Variants in CEP89 observed in about 807,000 individuals in gnomAD.
CEP89 encodes centrosomal protein of 89 kDa.
CEP89 carries 95 observed loss-of-function variants against 97.6 expected under a neutral mutation model. That is an observed-to-expected ratio of 0.97 (90% CI 0.82 to 1.15). CEP89 has a LOEUF of 1.15. CEP89 is among the 50% of genes most tolerant of loss of function. CEP89 has a pLI of 0.00. For missense variants in CEP89, 869 were observed against 947.7 expected, an observed-to-expected ratio of 0.92 and a Z score of 1.09; for synonymous variants, 354 against 349.1, an observed-to-expected ratio of 1.01 and a Z score of -0.16.
chr19:32,944,045 T>G (rs1202502924), intron 5 of CEP89, among the ~76,000 whole-genome samples: 1 of 151,584 alleles, frequency 6.6e-6, no homozygotes, highest in African/African-American at 2.4e-5. Flanking sequence ...CTGGGCAACA[T>G]AGTAAAACCC....
chr19:32,954,432 A>G (rs1472139858), intron 3 of CEP89, among the ~76,000 whole-genome samples: 1 of 149,884 alleles, frequency 6.7e-6, no homozygotes, highest in Non-Finnish European at 1.5e-5. Context: ...TGGTGCAATC[A>G]TGGTTCACTG....
chr19:32,941,851 C>T (rs2145942288), intron 5 of CEP89, among the ~76,000 whole-genome samples: 1 of 152,322 alleles, frequency 6.6e-6, no homozygotes, highest in East Asian at 1.9e-4. Flanking sequence ...GTGGCTCTAT[C>T]ATCTCTGACA....
intron 14 of CEP89, 63 bp from the exon 15 acceptor site, chr19:32,901,475 A>G (rs1023809919): frequency 6.5e-7 from 1 of 1,532,978 alleles, no homozygotes; most frequent in Non-Finnish European, 8.9e-7. Flanking sequence ...GGGCAGTCAC[A>G]TAACGAGGAA....
At chr19:32,927,658 G>A (rs1238860930) in intron 9 of CEP89, among the ~76,000 whole-genome samples, 2 of 151,800 alleles carry the variant, frequency 1.3e-5, no homozygotes, top group African/African-American at 4.8e-5. Context: ...GGGCTGGAGT[G>A]CAGTGGTGAG....
Position 32,953,651 on chromosome 19 carries a change from G to A in CEP89, c.456C>T (p.His152=), listed in dbSNP as rs747970766. ...DVSAREDRGG[H]SDDLYAVPHR... is the part of the protein sequence containing the mutation. The stretch of plus-strand genomic sequence containing the variant: ...GTGGCACAGCGTACAGGTCATCACT[G>A]TGGCCTCCTCTGTCCTCCCGGGCAC... Residue 152 remains histidine (H), a synonymous_variant, in exon 4 of 19, where the codon CAC becomes CAT. Transcript: ENST00000305768. 64 of 1,613,948 alleles carry A rather than the reference G, an allele frequency of 4.0e-5. No individual in the cohort carries two copies. The highest frequency in any genetic ancestry group is 5.1e-5 in the Non-Finnish European group (60 of 1,179,992).
intron 14 of CEP89, among the ~76,000 whole-genome samples, chr19:32,910,265 C>CAG (rs71336978): frequency 0.24 from 33,466 of 140,136 alleles, 4,014 homozygotes; most frequent in Admixed American, 0.37. Context: ...GACTCTGCCT[C>CAG]AGAGAGAGAG....
Position 32,931,942 on chromosome 19 carries a change from G to A in CEP89, c.887-371C>T, listed in dbSNP as rs377266946. ...CACGCCTGTAATCCCAGCACTTTGGGAGGCCGAGGCGGGTGGATCACGAGG... is the reference window on the plus strand; with the variant it reads ...CACGCCTGTAATCCCAGCACTTTGGAAGGCCGAGGCGGGTGGATCACGAGG... On this transcript the variant is annotated intron_variant, in intron 8 of 18. Coordinates refer to ENST00000305768, the MANE Select transcript of CEP89 (RefSeq NM_032816.5). Among the ~76,000 whole-genome samples, 15 of 152,326 alleles carry A rather than the reference G, an allele frequency of 9.8e-5. No individual in the cohort carries two copies. In the East Asian group the frequency reaches 2.5e-3, roughly 25 times the overall value.
intron 2 of CEP89, among the ~76,000 whole-genome samples, chr19:32,961,562 GAGCGAGACTCCATCTCA>G: frequency 7.6e-6 from 1 of 130,820 alleles, no homozygotes; most frequent in Non-Finnish European, 1.6e-5. Context: ...CTGGGCGACA[GAGCGAGACTCCATCTCA>G]AAAAAAAAAA....
chr19:32,948,253 T>A lies in CEP89; in HGVS notation c.595+13A>T. 1 of 1,463,014 alleles carries A rather than the reference T, an allele frequency of 6.8e-7. No homozygotes were observed. The highest frequency in any genetic ancestry group is 9.3e-7 in the Non-Finnish European group (1 of 1,080,522). The allele number at this position is 1,463,014 out of a possible 1,614,324, so 90.6% of individuals were successfully genotyped here. On this transcript the variant is annotated intron_variant, in intron 5 of 18. Coordinates refer to ENST00000305768, the MANE Select transcript of CEP89 (RefSeq NM_032816.5). ...TCTTATATTTTATAAAAATTGTGGT[T>A]TTTTTTTTCTACCTTTTTGTTGTGT...
chr19:32,884,800 C>A (rs983178423), intron 17 of CEP89, among the ~76,000 whole-genome samples: 2 of 152,064 alleles, frequency 1.3e-5, no homozygotes, highest in Non-Finnish European at 2.9e-5. Flanking sequence ...TGGTCTCAAG[C>A]GATCCTACTA....
intron 17 of CEP89, among the ~76,000 whole-genome samples, chr19:32,885,317 T>G (rs1389621077): frequency 2.0e-5 from 3 of 152,208 alleles, no homozygotes; most frequent in African/African-American, 7.2e-5. Flanking sequence ...CAATTAACTC[T>G]TGGTTGGCAG....
At position 32,953,748 on chromosome 19, in the gene CEP89, G is replaced by A. The variant is rs1178983054; in HGVS notation, c.359C>T (p.Thr120Ile). The A allele has an allele frequency of 1.9e-6, 3 of 1,613,706 alleles. No homozygotes were observed. In the Admixed American group the frequency reaches 5.0e-5, roughly 27 times the overall value. Residue 120 changes from threonine to isoleucine, a missense_variant, in exon 4 of 19, where the codon ACA becomes ATA. Physicochemically the swap from Thr to Ile is moderately conservative, Grantham distance 89 (BLOSUM62 -1). Transcript: ENST00000305768. The part of the protein sequence containing the change: ...GRRSSLPSFE[T>I]LDYGDEEDIE... ...GTCCTCTTCGTCCCCATAGTCCAGT[G>A]TTTCAAAGGATGGCAAAGAAGATCT...
chr19:32,937,337 A>G (rs1159281009), intron 7 of CEP89, among the ~76,000 whole-genome samples: 1 of 133,812 alleles, frequency 7.5e-6, no homozygotes, highest in African/African-American at 2.8e-5. Context: ...TCCTCCTTCC[A>G]CCCCCAGGAT....
chr19:32,960,763 T>C (rs1000015369), intron 2 of CEP89, among the ~76,000 whole-genome samples: 2 of 151,758 alleles, frequency 1.3e-5, no homozygotes, highest in Non-Finnish European at 2.9e-5. Context: ...TGAGCCTACA[T>C]TGCACTACTG....
chr19:32,931,157 T>A, intron 9 of CEP89: 1 of 412,478 alleles, frequency 2.4e-6, no homozygotes, highest in Middle Eastern at 6.0e-4. Context: ...CTGAAAGTGC[T>A]GGGATTATAG....
At chr19:32,915,300 GAAAAAA>G in intron 14 of CEP89, 31 bp downstream of exon 14, 1 of 1,221,810 alleles carries the variant, frequency 8.2e-7, no homozygotes, top group South Asian at 1.5e-5. Context: ...CTCGAAAAAA[GAAAAAA>G]AAAAAAAAAG....
At chr19:32,942,773 T>C (rs1970713394) in intron 5 of CEP89, among the ~76,000 whole-genome samples, 1 of 151,768 alleles carries the variant, frequency 6.6e-6, no homozygotes, top group Non-Finnish European at 1.5e-5. Context: ...GGGATAGACA[T>C]AAAATAACAG....
At chr19:32,899,156 G>T (rs1374968684) in intron 16 of CEP89, among the ~76,000 whole-genome samples, 1 of 145,654 alleles carries the variant, frequency 6.9e-6, no homozygotes. Context: ...TTAGGGACAG[G>T]GTCTTTCTCT....
chr19:32,952,634 T>C (rs1272919056), intron 4 of CEP89, among the ~76,000 whole-genome samples: 1 of 151,912 alleles, frequency 6.6e-6, no homozygotes. Context: ...CTAGGCACAG[T>C]GGCTCACACC....
Sources: allele counts gnomAD v4.1 joint callset (sites outside exome capture counted in the v4.1 genomes callset), GRCh38; gene constraint gnomAD v4.1.1; transcripts MANE v1.5; gene names NCBI Gene and HGNC (gene_info 2026-07-23, HGNC 2026-07-21).